CENPI: variants seen among roughly 807,000 people sequenced by gnomAD.
The protein encoded by CENPI is centromere protein I, also known as FSH primary response 1.
In CENPI, 4 loss-of-function variants were observed where a neutral mutation model predicts 60.4. The ratio of observed to expected loss-of-function variants is 0.07; its 90% CI spans 0.03 to 0.15. The LOEUF is 0.15. CENPI is among the 10% of genes least tolerant of loss of function. CENPI has a pLI of 1.00. For missense variants in CENPI, 444 were observed against 534.5 expected (o/e 0.83, Z 1.67); for synonymous variants, 157 against 189.4 (o/e 0.83, Z 1.40).
At chrX:101,160,068 C>T (rs942502759) in intron 20 of CENPI, among the ~76,000 whole-genome samples, 3 of 112,283 alleles carry the variant, frequency 2.7e-5, no homozygotes, top group Non-Finnish European at 5.6e-5. Context: ...TTTCCTGCTT[C>T]TAAGAGATCA....
chrX:101,150,614 C>A (rs1431633744), intron 20 of CENPI, among the ~76,000 whole-genome samples: 1 of 110,776 alleles, frequency 9.0e-6, no homozygotes, highest in Non-Finnish European at 1.9e-5. Flanking sequence ...AAGCGAGATG[C>A]CTGCCTCAGT....
At chrX:101,108,571 C>T (rs1274747942) in intron 4 of CENPI, among the ~76,000 whole-genome samples, 1 of 111,229 alleles carries the variant, frequency 9.0e-6, no homozygotes, top group Admixed American at 9.6e-5. Context: ...TGAACATTTT[C>T]ATCACCCCAA....
At chrX:101,174,798 C>T in the CENPI span, among the ~76,000 whole-genome samples, 1 of 111,085 alleles carries the variant, frequency 9.0e-6, no homozygotes, top group Admixed American at 9.7e-5. Context: ...ATGTACCACC[C>T]GAATGTAAAA....
chrX:101,129,154 G>A (rs376598035), intron 12 of CENPI, among the ~76,000 whole-genome samples: 2 of 111,489 alleles, frequency 1.8e-5, no homozygotes, highest in Middle Eastern at 4.6e-3. Context: ...TAATGGTAAC[G>A]AAACTCAGAA....
the CENPI span, among the ~76,000 whole-genome samples, chrX:101,173,092 TGCAA>T: frequency 1.0e-5 from 1 of 96,372 alleles, no homozygotes; most frequent in Admixed American, 1.2e-4. Flanking sequence ...CTCGGCTCAC[TGCAA>T]CCTCCACATC....
chrX:101,106,105 A>G (rs756355657), intron 4 of CENPI, among the ~76,000 whole-genome samples: 1 of 111,625 alleles, frequency 9.0e-6, no homozygotes, highest in Admixed American at 9.6e-5. Context: ...AAATTAAGTC[A>G]CTTGGAAGTA....
intron 20 of CENPI, among the ~76,000 whole-genome samples, chrX:101,151,483 T>TA (rs774381432): frequency 1.1e-4 from 12 of 110,264 alleles, no homozygotes; most frequent in South Asian, 3.8e-4. Context: ...CTTGTTACTT[T>TA]AAAAAAAAAT....
chrX:101,166,351 T>C (rs1322985897), downstream of CENPI, among the ~76,000 whole-genome samples: 3 of 112,064 alleles, frequency 2.7e-5, no homozygotes, highest in African/African-American at 9.7e-5. Flanking sequence ...AGATGGGGTT[T>C]CATCATGTTG....
chrX:101,139,829 T>TG (rs1487440431), intron 15 of CENPI, among the ~76,000 whole-genome samples: 21 of 89,426 alleles, frequency 2.3e-4, no homozygotes, highest in Non-Finnish European at 2.4e-4. Context: ...TGTTTTTTTT[T>TG]TTTTGTTTTT....
Position 101,128,790 on chromosome X carries a change from A to G in CENPI, c.1149A>G (p.Pro383=). 1 of 1,209,352 alleles carries G rather than the reference A, an allele frequency of 8.3e-7. No homozygotes were observed. The highest frequency in any genetic ancestry group is 1.8e-5 in the South Asian group (1 of 56,821). Residue 383 remains proline (P), a synonymous_variant, in exon 12 of 22, where the codon CCA becomes CCG. Coordinates refer to ENST00000682095, the MANE Select transcript of CENPI (RefSeq NM_001386188.2). ...ACATTAACTGTGTCAGAGATGAGCC[A>G]GTCTTGCTGAGGTTTTATTACTGGT... is the stretch of plus-strand genomic sequence containing the variant. ...LHYINCVRDE[P]VLLRFYYWLS...
intron 4 of CENPI, among the ~76,000 whole-genome samples, chrX:101,104,031 T>C (rs1282690631): frequency 9.0e-6 from 1 of 110,704 alleles, no homozygotes; most frequent in Non-Finnish European, 1.9e-5. Context: ...TGGAATGCAA[T>C]GGCATGATCT....
At chrX:101,152,127 C>T (rs1345255152) in intron 20 of CENPI, among the ~76,000 whole-genome samples, 2 of 110,088 alleles carry the variant, frequency 1.8e-5, no homozygotes, top group East Asian at 2.9e-4. Flanking sequence ...TGCAATGGCG[C>T]GATCTTGGCT....
At chrX:101,173,840 A>C in the CENPI span, among the ~76,000 whole-genome samples, 2 of 111,590 alleles carry the variant, frequency 1.8e-5, no homozygotes, top group South Asian at 7.6e-4. Context: ...GACCAGATAG[A>C]TTCACAGCCA....
chrX:101,161,975 CTGTCCCCCAGGCTGGAG>C (rs1198012853), intron 21 of CENPI, among the ~76,000 whole-genome samples: 1 of 109,276 alleles, frequency 9.2e-6, no homozygotes, highest in African/African-American at 3.3e-5. Flanking sequence ...GAGTCTTGCT[CTGTCCCCCAGGCTGGAG>C]TGCGGTGGTG....
At chrX:101,160,449 C>T (rs1283921769) in intron 20 of CENPI, among the ~76,000 whole-genome samples, 1 of 102,957 alleles carries the variant, frequency 9.7e-6, no homozygotes, top group African/African-American at 3.6e-5. Flanking sequence ...GGCACTATCT[C>T]GGCTCACTGC....
intron 15 of CENPI, among the ~76,000 whole-genome samples, chrX:101,135,072 T>C (rs932260100): frequency 1.8e-5 from 2 of 111,277 alleles, no homozygotes; most frequent in African/African-American, 6.5e-5. Flanking sequence ...GTCTCTGATG[T>C]TGAAAAACGA....
chrX:101,157,649 C>CAA (rs11337861), intron 20 of CENPI, among the ~76,000 whole-genome samples: 17 of 49,104 alleles, frequency 3.5e-4, no homozygotes, highest in African/African-American at 1.2e-3. Context: ...GACCTTGTCT[C>CAA]AAAAAAAAAA....
intron 16 of CENPI, among the ~76,000 whole-genome samples, chrX:101,143,082 A>AG (rs1389650025): frequency 9.2e-6 from 1 of 108,332 alleles, no homozygotes; most frequent in African/African-American, 3.4e-5. Flanking sequence ...AAAAAAAAAA[A>AG]AAAAGCATAT....
At chrX:101,171,059 A>G (rs1438942280), downstream of CENPI, among the ~76,000 whole-genome samples, 1 of 112,240 alleles carries the variant, frequency 8.9e-6, no homozygotes, top group Non-Finnish European at 1.9e-5. Context: ...AATCAAAACA[A>G]TATTGAAAAA....
Sources: gnomAD v4.1 joint callset for allele counts (sites outside exome capture counted in the v4.1 genomes callset) on GRCh38, gnomAD v4.1.1 for gene constraint, MANE v1.5 for transcripts, NCBI Gene and HGNC (gene_info 2026-07-23, HGNC 2026-07-21) for gene names.